PPP2R2B: variants seen among roughly 807,000 people sequenced by gnomAD.
PPP2R2B encodes the protein protein phosphatase 2 regulatory subunit Bbeta.
PPP2R2B carries 5 observed loss-of-function variants against 46.0 expected under a neutral mutation model. The observed-to-expected ratio is 0.11, with a 90% CI of 0.06 to 0.23. The LOEUF (loss-of-function observed/expected upper bound fraction) is 0.23, where lower values mean the gene tolerates loss of function less well. Ranked by LOEUF, PPP2R2B falls within the 10% of genes least tolerant of loss-of-function variation. The pLI, the probability that PPP2R2B is intolerant of heterozygous loss-of-function variation, is 1.00. For synonymous variants in PPP2R2B, 215 were observed against 206.7 expected (o/e 1.04, Z -0.34); for missense variants, 367 against 575.0 (o/e 0.64, Z 3.70).
chr5:147,065,440 T>C (rs972653059), intron 2 of PPP2R2B, among the ~76,000 whole-genome samples: 2 of 151,996 alleles, frequency 1.3e-5, no homozygotes, highest in African/African-American at 4.8e-5. Context: ...GCTGGGGGTA[T>C]CCTAAGAAAA....
upstream of PPP2R2B, among the ~76,000 whole-genome samples, chr5:146,880,150 G>A (rs111738658): frequency 1.4e-4 from 21 of 151,058 alleles, no homozygotes; most frequent in African/African-American, 4.6e-4. Flanking sequence ...TGGGAGAAAA[G>A]AGCAGAAATG....
chr5:146,763,331 C>A (rs1055389667), intron 2 of PPP2R2B, among the ~76,000 whole-genome samples: 1 of 152,074 alleles, frequency 6.6e-6, no homozygotes, highest in African/African-American at 2.4e-5. Context: ...ATAGAAATAA[C>A]GCAGCTGGTT....
chr5:146,588,926 A>G lies in PPP2R2B; in HGVS notation c.*1021T>C, dbSNP rs1457414763. The G allele has an allele frequency of 6.6e-6, 1 of 152,146 alleles. No individual in the cohort carries two copies. The highest frequency in any genetic ancestry group is 2.4e-5 in the African/African-American group (1 of 41,390). The allele number at this position is 152,146 out of a possible 1,614,324, so 9.4% of individuals were successfully genotyped here. On this transcript the variant is annotated 3_prime_UTR_variant, in exon 10 of 10. Coordinates refer to ENST00000394411, the MANE Select transcript of PPP2R2B (RefSeq NM_181675.4). ...TGGATTGTTACTTTTGGTTACCAAA[A>G]CCAGGAGGAGGGGAGGGTGCTGCTT...
chr5:146,878,134 C>G lies in PPP2R2B; in HGVS notation c.-63G>C. On this transcript the variant is annotated 5_prime_UTR_variant, in exon 2 of 10. Coordinates refer to ENST00000394411, the MANE Select transcript of PPP2R2B (RefSeq NM_181675.4). This position sits in a 1 kb window ranked among gnomAD's most constrained non-coding sequence, Gnocchi z 4.5. ...CAGACAAGTATCCATGATCCCTCCC[C>G]GCAGCCAGTCTCACAGGAGAGGGGG... The G allele has an allele frequency of 6.2e-7, 1 of 1,611,604 alleles. No individual in the cohort carries two copies. The highest frequency in any genetic ancestry group is 8.5e-7 in the Non-Finnish European group (1 of 1,178,832).
chr5:146,860,561 T>C (rs1367871077), intron 2 of PPP2R2B, among the ~76,000 whole-genome samples: 1 of 152,224 alleles, frequency 6.6e-6, no homozygotes, highest in Non-Finnish European at 1.5e-5. Context: ...ACACTACACT[T>C]GACCTGCTGC....
intron 1 of PPP2R2B, among the ~76,000 whole-genome samples, chr5:147,027,832 C>T (rs533750748): frequency 1.3e-5 from 2 of 152,140 alleles, no homozygotes; most frequent in Non-Finnish European, 2.9e-5. Context: ...TATGTCCCAA[C>T]AAAGTTCATT....
At chr5:147,015,261 C>A (rs56730491) in intron 1 of PPP2R2B, among the ~76,000 whole-genome samples, 2,109 of 150,722 alleles carry the variant, frequency 0.014, 41 homozygotes, top group African/African-American at 0.048. Context: ...CATATCATTG[C>A]CCTGTTTTAA....
chr5:146,788,049 T>C (rs1755953929), intron 2 of PPP2R2B, among the ~76,000 whole-genome samples: 1 of 152,146 alleles, frequency 6.6e-6, no homozygotes, highest in Admixed American at 6.5e-5. Flanking sequence ...GCAGGCTTGG[T>C]GGAAGCCTGA....
intron 1 of PPP2R2B, among the ~76,000 whole-genome samples, chr5:146,922,967 G>A (rs1291199121): frequency 6.6e-6 from 1 of 152,146 alleles, no homozygotes; most frequent in Non-Finnish European, 1.5e-5. Flanking sequence ...GAAGTGTAAT[G>A]GAATTCAGCT....
intron 5 of PPP2R2B, among the ~76,000 whole-genome samples, chr5:146,652,338 C>G (rs1270629843): frequency 2.0e-5 from 3 of 152,172 alleles, no homozygotes; most frequent in Non-Finnish European, 4.4e-5. Context: ...AATGCATCCT[C>G]CTACCCACTC....
At position 146,999,288 on chromosome 5, in the gene PPP2R2B, T is replaced by C. The variant is rs371851678; in HGVS notation, c.79+56377A>G. On this transcript the variant is annotated intron_variant, in intron 1 of 8. Coordinates refer to the PPP2R2B transcript ENST00000336640. ...AAATGTAAAATAAAGAGGATGATAC[T>C]AAGGAAGGTGGTAAAAATGATGTCT... 6.6e-5 allele frequency among the ~76,000 whole-genome samples: 10 copies of C among 152,278 alleles called. No individual in the cohort carries two copies. The South Asian group carries it at 1.2e-3, about 19-fold the overall frequency.
chr5:146,809,944 A>G (rs975418953), intron 2 of PPP2R2B, among the ~76,000 whole-genome samples: 2 of 152,184 alleles, frequency 1.3e-5, no homozygotes, highest in African/African-American at 2.4e-5. Context: ...TCTGTGAGAT[A>G]TCTTGGGGGA....
Position 146,582,237 on chromosome 5 carries a change from G to A in PPP2R2B, c.*7710C>T, listed in dbSNP as rs565214349. On this transcript the variant is annotated 3_prime_UTR_variant, in exon 10 of 10. Coordinates refer to ENST00000394411, the MANE Select transcript of PPP2R2B (RefSeq NM_181675.4). ...TCTTGTTTCCAAGTGGGAGGGTTGA[G>A]AATAATAGCTCTTGTCACTTCCCTT... 2.8e-4 allele frequency: 42 copies of A among 152,324 alleles called. No homozygotes were observed. Among genetic ancestry groups the A allele is most frequent in the African/African-American group, 9.4e-4 (39 of 41,548 alleles). The allele number at this position is 152,324 out of a possible 1,614,324, so 9.4% of individuals were successfully genotyped here.
upstream of PPP2R2B, among the ~76,000 whole-genome samples, chr5:146,883,215 C>A (rs319203): frequency 0.048 from 7,274 of 152,206 alleles, 583 homozygotes; most frequent in African/African-American, 0.16. Flanking sequence ...TCTATATTTG[C>A]AAAATGGAAG....
intron 5 of PPP2R2B, among the ~76,000 whole-genome samples, chr5:146,665,169 G>A (rs1776907945): frequency 6.6e-6 from 1 of 152,174 alleles, no homozygotes; most frequent in African/African-American, 2.4e-5. Flanking sequence ...CTTATCCTTT[G>A]AAGCTTTGAA....
chr5:146,836,093 A>G (rs1300477311), intron 2 of PPP2R2B, among the ~76,000 whole-genome samples: 1 of 152,212 alleles, frequency 6.6e-6, no homozygotes, highest in Non-Finnish European at 1.5e-5. Context: ...ATATTACTTT[A>G]TCTTATCATT....
chr5:146,954,914 A>G (rs939835691), intron 1 of PPP2R2B, among the ~76,000 whole-genome samples: 2 of 152,074 alleles, frequency 1.3e-5, no homozygotes, highest in Non-Finnish European at 2.9e-5. Context: ...GGTATTTCCA[A>G]ACTTCACTGA....
At chr5:146,876,760 C>A (rs981348551) in intron 2 of PPP2R2B, among the ~76,000 whole-genome samples, 1 of 152,136 alleles carries the variant, frequency 6.6e-6, no homozygotes, top group Non-Finnish European at 1.5e-5. Context: ...AAAATGATGA[C>A]AAATGGAGAA....
rs771140249 is a variant in PPP2R2B, at chr5:146,587,575, T to C, written c.*2372A>G. The C allele has an allele frequency of 6.6e-6, 1 of 152,232 alleles. No individual in the cohort carries two copies. The highest frequency in any genetic ancestry group is 1.5e-5 in the Non-Finnish European group (1 of 68,044). 9.4% of individuals were successfully genotyped at this position (152,232 alleles called of 1,614,324 possible). On this transcript the variant is annotated 3_prime_UTR_variant, in exon 10 of 10. Coordinates refer to ENST00000394411, the MANE Select transcript of PPP2R2B (RefSeq NM_181675.4). Reference sequence around the variant, plus strand: ...CTGTGTGTGTTATGGGCAGCCCTGCTGACTCTAATATGTGAAGAACCACCA... The same window carrying C: ...CTGTGTGTGTTATGGGCAGCCCTGCCGACTCTAATATGTGAAGAACCACCA...
Sources: gnomAD v4.1 joint callset for allele counts (sites outside exome capture counted in the v4.1 genomes callset) on GRCh38, gnomAD v4.1.1 for gene constraint, Gnocchi (gnomAD v3.1) non-coding constraint, MANE v1.5 for transcripts, NCBI Gene and HGNC (gene_info 2026-07-23, HGNC 2026-07-21) for gene names.